TMX3: variants seen among roughly 807,000 people sequenced by gnomAD.
The protein encoded by TMX3 is protein disulfide-isomerase TMX3.
In TMX3, 40 loss-of-function variants were observed where a neutral mutation model predicts 64.4. The observed-to-expected ratio is 0.62, with a 90% CI of 0.48 to 0.81. TMX3 has a LOEUF of 0.81. Among genes scored for constraint, TMX3 ranks in the 30% least tolerant of loss-of-function variants. The probability of loss-of-function intolerance (pLI) is 0.00; values close to 1 mark genes in which losing one functional copy is unlikely to be tolerated. For synonymous variants in TMX3, 189 were observed against 175.7 expected (o/e 1.08, Z -0.60); for missense variants, 497 against 534.5 (o/e 0.93, Z 0.69).
chr18:68,702,432 C>A lies in TMX3; in HGVS notation c.266-642G>T, dbSNP rs891674747. Among the ~76,000 whole-genome samples, 4 of 152,122 alleles carry A rather than the reference C, an allele frequency of 2.6e-5. No individual in the cohort carries two copies. In the South Asian group the frequency reaches 8.3e-4, roughly 32 times the overall value. On this transcript the variant is annotated intron_variant, in intron 4 of 15. Transcript: ENST00000299608. ...AAAATGAGAATAGTTGCTACAATAT[C>A]ATCTTCTGCAGGGAAAGGAGAAATA...
intron 5 of TMX3, chr18:68,701,019 A>T: frequency 1.0e-6 from 1 of 985,112 alleles, no homozygotes; most frequent in South Asian, 4.7e-5. Context: ...AATTAACTAA[A>T]ATTTTAAAAA....
At chr18:68,692,557 C>T (rs1243118050) in intron 8 of TMX3, among the ~76,000 whole-genome samples, 1 of 152,120 alleles carries the variant, frequency 6.6e-6, no homozygotes, top group Non-Finnish European at 1.5e-5. Flanking sequence ...CTCTGAAGGA[C>T]AAACATTAAT....
In TMX3 at chr18:68,698,002, T is replaced by C. The variant is rs1325742125; in HGVS notation, c.422A>G (p.Gln141Arg). ...TCTCTTCTGCATATGTTCAAACATT[T>C]GTTGACTTGGAAGTGGCCGAATTAG... ...GALIRPLPSQ[Q>R]MFEHMQKRHR... Residue 141 changes from glutamine to arginine, a missense_variant, in exon 7 of 16, where the codon CAA becomes CGA. Transcript: ENST00000299608. The C allele has an allele frequency of 6.2e-7, 1 of 1,612,076 alleles. No homozygotes were observed. The highest frequency in any genetic ancestry group is 1.7e-5 in the Admixed American group (1 of 59,980).
intron 5 of TMX3, chr18:68,701,145 G>A (rs1221525073): frequency 2.1e-6 from 1 of 465,442 alleles, no homozygotes; most frequent in Non-Finnish European, 2.8e-6. Context: ...AGTGGGGGAA[G>A]GAAAAAGGTC....
chr18:68,709,121 A>G (rs558663398), intron 4 of TMX3, among the ~76,000 whole-genome samples: 6 of 152,276 alleles, frequency 3.9e-5, no homozygotes, highest in Non-Finnish European at 7.4e-5. Context: ...AAAACCACCA[A>G]TAAAAGAAGC....
chr18:68,685,587 A>C (rs1913867821), intron 10 of TMX3, among the ~76,000 whole-genome samples: 1 of 152,200 alleles, frequency 6.6e-6, no homozygotes, highest in African/African-American at 2.4e-5. Context: ...TGAGAAACAC[A>C]GACACAGTTT....
At chr18:68,701,474 T>C in intron 5 of TMX3, 1 of 496,756 alleles carries the variant, frequency 2.0e-6, no homozygotes. Flanking sequence ...GTAAAAGACC[T>C]TTCATAATTT....
intron 5 of TMX3, 88 bp from the exon 6 acceptor site, chr18:68,700,573 AT>A: frequency 9.3e-7 from 1 of 1,075,290 alleles, no homozygotes; most frequent in South Asian, 2.3e-5. Flanking sequence ...TCATAAAATT[AT>A]ATTACATAAA....
At chr18:68,689,195 A>C (rs1015784768) in intron 9 of TMX3, 2 of 152,188 alleles carry the variant, frequency 1.3e-5, no homozygotes, top group African/African-American at 2.4e-5. Context: ...CAGGTTCTAA[A>C]TACTACTGCA....
chr18:68,681,318 G>C (rs1386327549), intron 13 of TMX3: 1 of 564,658 alleles, frequency 1.8e-6, no homozygotes, highest in African/African-American at 2.0e-5. Context: ...GATATTTCTA[G>C]GATACGCAAT....
chr18:68,690,434 G>A (rs542289857), intron 9 of TMX3, among the ~76,000 whole-genome samples: 1 of 152,290 alleles, frequency 6.6e-6, no homozygotes, highest in East Asian at 1.9e-4. Context: ...TACAGATGTC[G>A]AGTTTCACTG....
rs187347455 is a variant in TMX3 at position 68,678,447 on chromosome 18, G to A, written c.1104+1016C>T. Reference sequence around the variant, plus strand: ...TGTCAAGCGAGAAGGTTCAGACCCAGGGACTGCAAAGGGGAAAGGGAGGAA... The same window carrying A: ...TGTCAAGCGAGAAGGTTCAGACCCAAGGACTGCAAAGGGGAAAGGGAGGAA... On this transcript the variant is annotated intron_variant, in intron 15 of 15. Transcript: ENST00000299608. Among the ~76,000 whole-genome samples, 183 of 152,170 alleles carry A rather than the reference G, an allele frequency of 1.2e-3. 1 individual carries two copies. Among genetic ancestry groups the A allele is most frequent in the Non-Finnish European group, 1.5e-3 (103 of 68,004 alleles).
chr18:68,687,958 G>C, intron 9 of TMX3, 193 bp from the exon 10 acceptor site: 1 of 360,546 alleles, frequency 2.8e-6, no homozygotes. Context: ...CTTCATTATA[G>C]CATCATTAAA....
At chr18:68,702,284 AAATT>A (rs2030180786) in intron 4 of TMX3, among the ~76,000 whole-genome samples, 1 of 151,780 alleles carries the variant, frequency 6.6e-6, no homozygotes, top group South Asian at 2.1e-4. Context: ...TGTATTTGCA[AAATT>A]AATTACTATG....
At position 68,674,685 on chromosome 18, in the gene TMX3, ATC is replaced by A. The variant is rs1279728650; in HGVS notation, c.*2246_*2247del. On this transcript the variant is annotated 3_prime_UTR_variant, in exon 16 of 16. Coordinates refer to ENST00000299608, the MANE Select transcript of TMX3 (RefSeq NM_019022.5). ...AGCATACGAGCAAACAAATTTTAGA[ATC>A]TGTTTTGTGAATAGTCTGACAATGT... is the stretch of plus-strand genomic sequence containing the variant. 2.0e-5 allele frequency: 3 copies of A among 152,112 alleles called. No homozygotes were observed. The highest frequency in any genetic ancestry group is 4.4e-5 in the Non-Finnish European group (3 of 67,964). The allele number at this position is 152,112 out of a possible 1,614,324, so 9.4% of individuals were successfully genotyped here.
At chr18:68,700,724 A>G (rs953085295) in intron 5 of TMX3, 1 of 979,330 alleles carries the variant, frequency 1.0e-6, no homozygotes, top group Non-Finnish European at 1.2e-6. Flanking sequence ...TCTGCATTTG[A>G]TAACTGCATT....
intron 12 of TMX3, among the ~76,000 whole-genome samples, chr18:68,683,517 G>A (rs1053726085): frequency 2.0e-5 from 3 of 151,898 alleles, no homozygotes; most frequent in African/African-American, 7.3e-5. Flanking sequence ...TTATTCTTTT[G>A]AGTTTCTGTT....
intron 4 of TMX3, 146 bp from the exon 5 acceptor site, chr18:68,701,936 A>G: frequency 1.7e-6 from 1 of 591,772 alleles, no homozygotes; most frequent in Admixed American, 3.4e-5. Context: ...ATAAAATCAC[A>G]CAAAAGAAAA....
intron 6 of TMX3, among the ~76,000 whole-genome samples, chr18:68,698,333 T>C (rs529464299): frequency 3.3e-5 from 5 of 152,302 alleles, no homozygotes; most frequent in African/African-American, 7.2e-5. Context: ...AAGAGAAGTA[T>C]TGTCCATTTA....
Sources: allele counts gnomAD v4.1 joint callset (sites outside exome capture counted in the v4.1 genomes callset), GRCh38; gene constraint gnomAD v4.1.1; transcripts MANE v1.5; gene names NCBI Gene and HGNC (gene_info 2026-07-23, HGNC 2026-07-21).